The following MRPL48 variants were observed in gnomAD, a reference collection of about 807,000 sequenced individuals.
MRPL48 encodes mitochondrial ribosomal protein L48, also known as large ribosomal subunit protein mL48.
MRPL48 carries 16 observed loss-of-function variants against 32.9 expected under a neutral mutation model. The observed-to-expected ratio is 0.49, with a 90% CI of 0.33 to 0.74. MRPL48 has a LOEUF of 0.74. Ranked by LOEUF, MRPL48 falls within the 30% of genes least tolerant of loss-of-function variation. The pLI, the probability that MRPL48 is intolerant of heterozygous loss-of-function variation, is 0.02. For synonymous variants in MRPL48, 94 were observed against 89.2 expected, an observed-to-expected ratio of 1.05 and a Z score of -0.31; for missense variants, 206 against 245.3, an observed-to-expected ratio of 0.84 and a Z score of 1.07.
At chr11:73,824,388 C>T (rs566053342) in intron 3 of MRPL48, among the ~76,000 whole-genome samples, 156 of 151,872 alleles carry the variant, frequency 1.0e-3, no homozygotes, top group Middle Eastern at 3.4e-3. Flanking sequence ...AGTTCGATAC[C>T]AGCCTGACCA....
intron 4 of MRPL48, among the ~76,000 whole-genome samples, chr11:73,829,320 C>A (rs1366545602): frequency 2.0e-5 from 3 of 152,112 alleles, no homozygotes; most frequent in Admixed American, 1.3e-4. Context: ...TTCTAAGAAA[C>A]CTTCCTGGAT....
Position 73,844,838 on chromosome 11 carries a change from G to C in MRPL48, c.233G>C (p.Arg78Thr). The change falls in exon 5 of 8, where the codon AGA (arginine) becomes ACA (threonine). Residue 78 changes from arginine to threonine, a missense_variant. Physicochemically the swap from Arg to Thr is moderately conservative, Grantham distance 71 (BLOSUM62 -1). Transcript: ENST00000310614. ...AAGAAGAAGGGAAAAGTGGAAGTGA[G>C]AGCCATTAATTTGGGGACAGATTAT... Reference protein sequence around the residue: ...PKKKKGKVEVRAINLGTDYEY... With the variant: ...PKKKKGKVEVTAINLGTDYEY... The C allele has an allele frequency of 6.2e-7, 1 of 1,613,554 alleles. No homozygotes were observed. Among genetic ancestry groups the C allele is most frequent in the Non-Finnish European group, 8.5e-7 (1 of 1,179,810 alleles).
Position 73,788,907 on chromosome 11 carries a change from A to G in MRPL48, c.21+915A>G, listed in dbSNP as rs141942750. On this transcript the variant is annotated intron_variant, in intron 1 of 7. Coordinates refer to ENST00000310614, the MANE Select transcript of MRPL48 (RefSeq NM_016055.6). The stretch of plus-strand genomic sequence containing the variant: ...AACAGATTTCATTTGTGCTCTTTCA[A>G]TTGTATCATGCTGCTTAGATTAATG... 5.3e-5 allele frequency among the ~76,000 whole-genome samples: 8 copies of G among 152,294 alleles called. No homozygotes were observed. The East Asian group carries it at 1.5e-3, about 29-fold the overall frequency.
intron 3 of MRPL48, among the ~76,000 whole-genome samples, chr11:73,823,654 G>GTTTTTTTTT (rs57616234): frequency 2.2e-4 from 23 of 105,650 alleles, no homozygotes; most frequent in African/African-American, 3.6e-4. Context: ...TTTCTTTTCT[G>GTTTTTTTTT]TTTTTTTTTT....
At chr11:73,820,960 C>T (rs563613525) in intron 3 of MRPL48, among the ~76,000 whole-genome samples, 1 of 152,222 alleles carries the variant, frequency 6.6e-6, no homozygotes, top group Admixed American at 6.5e-5. Context: ...CCATAGCCCT[C>T]CCTGTGCTTT....
chr11:73,843,621 T>G (rs896567725), intron 4 of MRPL48, among the ~76,000 whole-genome samples: 4 of 152,188 alleles, frequency 2.6e-5, no homozygotes, highest in Non-Finnish European at 5.9e-5. Flanking sequence ...TTATTCTACC[T>G]TTCAGTTCTC....
At chr11:73,797,877 A>G (rs989590394) in intron 1 of MRPL48, among the ~76,000 whole-genome samples, 1 of 152,152 alleles carries the variant, frequency 6.6e-6, no homozygotes, top group Non-Finnish European at 1.5e-5. Flanking sequence ...ATCCCGTAAC[A>G]ATATGTGAGG....
intron 4 of MRPL48, among the ~76,000 whole-genome samples, chr11:73,835,891 C>G (rs1192622086): frequency 1.3e-5 from 2 of 152,094 alleles, no homozygotes; most frequent in Admixed American, 6.6e-5. Flanking sequence ...GAGTGAGACT[C>G]TGTCTCAAAA....
intron 3 of MRPL48, chr11:73,822,869 T>G (rs1427763326): frequency 2.9e-6 from 1 of 345,632 alleles, no homozygotes; most frequent in Non-Finnish European, 5.8e-6. Flanking sequence ...GAGCTCTGTC[T>G]CCTCTCAGAT....
chr11:73,788,466 T>C (rs1020731771), intron 1 of MRPL48, among the ~76,000 whole-genome samples: 1 of 145,932 alleles, frequency 6.9e-6, no homozygotes, highest in African/African-American at 2.6e-5. Flanking sequence ...TTTTGTTCTT[T>C]TCTTTCTTTT....
intron 4 of MRPL48, among the ~76,000 whole-genome samples, chr11:73,834,211 A>G (rs1202734767): frequency 6.6e-6 from 1 of 152,224 alleles, no homozygotes; most frequent in Non-Finnish European, 1.5e-5. Flanking sequence ...AGAAAGATTA[A>G]TGAGACATAG....
At chr11:73,851,369 G>T (rs1948386128) in intron 5 of MRPL48, among the ~76,000 whole-genome samples, 1 of 152,192 alleles carries the variant, frequency 6.6e-6, no homozygotes, top group Admixed American at 6.5e-5. Context: ...GTTACATAGG[G>T]TCTTATTTTA....
intron 6 of MRPL48, among the ~76,000 whole-genome samples, chr11:73,861,456 G>A (rs1292217881): frequency 1.3e-5 from 2 of 151,980 alleles, no homozygotes; most frequent in Admixed American, 6.6e-5. Flanking sequence ...CGCAACCTTC[G>A]CCTCCTGTGT....
intron 3 of MRPL48, among the ~76,000 whole-genome samples, chr11:73,816,610 A>G (rs1947680720): frequency 1.3e-5 from 2 of 150,528 alleles, no homozygotes; most frequent in Admixed American, 6.6e-5. Flanking sequence ...GATTACAGGC[A>G]TGCGCCACCA....
At chr11:73,846,986 T>C (rs1590994747) in intron 5 of MRPL48, among the ~76,000 whole-genome samples, 1 of 151,178 alleles carries the variant, frequency 6.6e-6, no homozygotes, top group East Asian at 1.9e-4. Context: ...TTTTTTTTTT[T>C]GTCTCACTCT....
At chr11:73,851,033 C>A in intron 5 of MRPL48, 1 of 488,966 alleles carries the variant, frequency 2.0e-6, no homozygotes. Flanking sequence ...CATCAAAGAC[C>A]CATAAATTTG....
chr11:73,813,250 C>T (rs1053579183), intron 3 of MRPL48, among the ~76,000 whole-genome samples: 4 of 152,138 alleles, frequency 2.6e-5, no homozygotes, highest in African/African-American at 7.2e-5. Flanking sequence ...TGGCTCACTG[C>T]AACCTCTGCC....
chr11:73,849,273 AT>A (rs1167161050), intron 5 of MRPL48, among the ~76,000 whole-genome samples: 6 of 151,892 alleles, frequency 4.0e-5, no homozygotes, highest in African/African-American at 1.5e-4. Context: ...AGTAGCTGAG[AT>A]TACAGATGTT....
chr11:73,800,999 C>T (rs1220204238), intron 1 of MRPL48, among the ~76,000 whole-genome samples: 5 of 151,826 alleles, frequency 3.3e-5, no homozygotes, highest in Admixed American at 6.6e-5. Context: ...TTAGTAGAGA[C>T]GAGGTTTCTC....
Sources: gnomAD v4.1 joint callset for allele counts (sites outside exome capture counted in the v4.1 genomes callset) on GRCh38, gnomAD v4.1.1 for gene constraint, MANE v1.5 for transcripts, NCBI Gene and HGNC (gene_info 2026-07-23, HGNC 2026-07-21) for gene names.